STK3: variants seen among roughly 807,000 people sequenced by gnomAD.
The protein encoded by STK3 is serine/threonine-protein kinase 3.
In STK3, 41 loss-of-function variants were observed where a neutral mutation model predicts 58.0. The observed-to-expected ratio is 0.71, with a 90% CI of 0.55 to 0.92. STK3 has a LOEUF of 0.92. Ranked by LOEUF, STK3 falls within the 40% of genes least tolerant of loss-of-function variation. STK3 has a pLI of 0.00. For synonymous variants in STK3, 170 were observed against 191.0 expected, an observed-to-expected ratio of 0.89 and a Z score of 0.91; for missense variants, 479 against 602.7, an observed-to-expected ratio of 0.79 and a Z score of 2.15.
At chr8:98,893,910 C>T (rs1054614976) in intron 1 of STK3, among the ~76,000 whole-genome samples, 4 of 152,182 alleles carry the variant, frequency 2.6e-5, no homozygotes, top group Non-Finnish European at 5.9e-5. Flanking sequence ...CACAGCCTTT[C>T]GGAAAAGTAT....
At chr8:98,371,100 C>G (rs1817605753), downstream of STK3, among the ~76,000 whole-genome samples, 1 of 152,192 alleles carries the variant, frequency 6.6e-6, no homozygotes, top group Non-Finnish European at 1.5e-5. Context: ...AGAAACAAAA[C>G]TTACTACATT....
At chr8:98,757,598 GAAA>G (rs1040308347) in intron 3 of STK3, among the ~76,000 whole-genome samples, 2 of 58,566 alleles carry the variant, frequency 3.4e-5, no homozygotes, top group Non-Finnish European at 3.6e-5. Context: ...CCATCTCAAA[GAAA>G]AAAAAAAAAA....
intron 6 of STK3, among the ~76,000 whole-genome samples, chr8:98,691,801 G>A (rs188180139): frequency 1.0e-3 from 153 of 151,886 alleles, no homozygotes; most frequent in African/African-American, 3.3e-3. Flanking sequence ...GCGTGGTGGC[G>A]CGCATCTGTA....
At chr8:98,674,965 T>C (rs925175243) in intron 6 of STK3, among the ~76,000 whole-genome samples, 2 of 151,750 alleles carry the variant, frequency 1.3e-5, no homozygotes, top group African/African-American at 2.4e-5. Context: ...AATTTTAATA[T>C]GGAATTAAAT....
At chr8:98,822,857 T>C (rs1036293341) in intron 1 of STK3, among the ~76,000 whole-genome samples, 3 of 152,120 alleles carry the variant, frequency 2.0e-5, no homozygotes, top group Admixed American at 2.0e-4. Flanking sequence ...GGCGAAACGT[T>C]GTCTCTACTA....
chr8:98,643,187 C>T (rs1447952044), intron 6 of STK3, among the ~76,000 whole-genome samples: 1 of 152,110 alleles, frequency 6.6e-6, no homozygotes, highest in African/African-American at 2.4e-5. Context: ...TGATTGCTCT[C>T]CACTGCCCTC....
chr8:98,931,847 C>T (rs1442206209), intron 1 of STK3, among the ~76,000 whole-genome samples: 1 of 152,204 alleles, frequency 6.6e-6, no homozygotes, highest in East Asian at 1.9e-4. Context: ...AGATAGAGCT[C>T]CTTAATTGAT....
intron 6 of STK3, among the ~76,000 whole-genome samples, chr8:98,696,169 G>C (rs992325690): frequency 1.3e-5 from 2 of 151,778 alleles, no homozygotes; most frequent in African/African-American, 4.8e-5. Flanking sequence ...TCTGTTATTG[G>C]TGTATAAGAA....
chr8:98,467,574 G>A (rs892800805), intron 10 of STK3, among the ~76,000 whole-genome samples: 4 of 151,172 alleles, frequency 2.6e-5, no homozygotes, highest in Non-Finnish European at 5.9e-5. Context: ...GTGTGTGTGT[G>A]TGGCATCAAG....
chr8:98,933,728 C>T (rs1418423013), intron 1 of STK3, among the ~76,000 whole-genome samples: 1 of 152,168 alleles, frequency 6.6e-6, no homozygotes, highest in Admixed American at 6.5e-5. Context: ...CTCAAACTTG[C>T]CCCAAGCCAA....
chr8:98,936,573 C>T (rs1305628820), intron 1 of STK3, among the ~76,000 whole-genome samples: 2 of 152,226 alleles, frequency 1.3e-5, no homozygotes, highest in Non-Finnish European at 2.9e-5. Context: ...CCAGGTCACT[C>T]CCAGGCCATA....
At chr8:98,411,923 C>A (rs1026519523) in intron 3 of STK3, among the ~76,000 whole-genome samples, 1 of 152,164 alleles carries the variant, frequency 6.6e-6, no homozygotes, top group East Asian at 1.9e-4. Flanking sequence ...CTCAATTATT[C>A]CATCTTGCTT....
chr8:98,757,072 T>C (rs1769829440), intron 3 of STK3, among the ~76,000 whole-genome samples: 1 of 150,440 alleles, frequency 6.6e-6, no homozygotes, highest in African/African-American at 2.4e-5. Flanking sequence ...GTGGAGCCCC[T>C]GTGACACAGC....
At chr8:98,639,837 G>A (rs530998438) in intron 6 of STK3, among the ~76,000 whole-genome samples, 4 of 152,106 alleles carry the variant, frequency 2.6e-5, no homozygotes, top group African/African-American at 7.2e-5. Flanking sequence ...CTGGCCAGGC[G>A]CGGTGGCTCA....
chr8:98,762,463 C>A (rs1400700755), intron 3 of STK3, among the ~76,000 whole-genome samples: 2 of 152,110 alleles, frequency 1.3e-5, no homozygotes, highest in African/African-American at 4.8e-5. Context: ...ACCATGTTTG[C>A]CAGGCTGGTC....
intron 1 of STK3, among the ~76,000 whole-genome samples, chr8:98,819,438 C>T (rs1403959209): frequency 1.3e-5 from 2 of 152,148 alleles, no homozygotes; most frequent in Non-Finnish European, 2.9e-5. Context: ...TCCCTCTCTC[C>T]AAGAAGGAAG....
At chr8:98,820,208 A>G (rs1834800560) in intron 1 of STK3, among the ~76,000 whole-genome samples, 1 of 152,134 alleles carries the variant, frequency 6.6e-6, no homozygotes, top group African/African-American at 2.4e-5. Context: ...TCAACCTTCA[A>G]TTTTATTTCC....
chr8:98,573,717 G>A (rs1405792644), intron 8 of STK3, among the ~76,000 whole-genome samples: 3 of 152,086 alleles, frequency 2.0e-5, no homozygotes, highest in African/African-American at 7.2e-5. Context: ...CTGAGACAAG[G>A]CAAGTCCTTT....
chr8:98,900,597 A>G (rs1308635445), intron 1 of STK3, among the ~76,000 whole-genome samples: 9 of 151,694 alleles, frequency 5.9e-5, no homozygotes. Context: ...AGTTTTTTGT[A>G]TATTTTCTTC....
Sources: allele counts gnomAD v4.1 joint callset (sites outside exome capture counted in the v4.1 genomes callset), GRCh38; gene constraint gnomAD v4.1.1; transcripts MANE v1.5; gene names NCBI Gene and HGNC (gene_info 2026-07-23, HGNC 2026-07-21).